KLHL8: variants seen among roughly 807,000 people sequenced by gnomAD.
KLHL8 encodes the protein kelch like family member 8, also known as kelch-like protein 8.
A neutral mutation model predicts 63.5 loss-of-function variants in KLHL8; 38 were observed. That is an observed-to-expected ratio of 0.60 (90% CI 0.46 to 0.78). The LOEUF is 0.78. Ranked by LOEUF, KLHL8 falls within the 30% of genes least tolerant of loss-of-function variation. KLHL8 has a pLI of 0.00. For missense variants in KLHL8, 566 were observed against 752.4 expected (o/e 0.75, Z 2.90); for synonymous variants, 224 against 254.3 (o/e 0.88, Z 1.13).
At chr4:87,171,436 A>G (rs1296991728) in intron 6 of KLHL8, among the ~76,000 whole-genome samples, 3 of 152,176 alleles carry the variant, frequency 2.0e-5, no homozygotes, top group African/African-American at 4.8e-5. Flanking sequence ...CTAACTCTAA[A>G]TTTACCAGAG....
chr4:87,226,084 C>T (rs1371725700), intron 1 of KLHL8, among the ~76,000 whole-genome samples: 1 of 152,108 alleles, frequency 6.6e-6, no homozygotes, highest in African/African-American at 2.4e-5. Flanking sequence ...CAGAAAAAAA[C>T]ACATTTAGAG....
chr4:87,204,767 A>G (rs543628581), intron 1 of KLHL8, among the ~76,000 whole-genome samples: 19 of 152,378 alleles, frequency 1.2e-4, no homozygotes, highest in Admixed American at 1.2e-3. Flanking sequence ...GGATAAAATC[A>G]TAGTGATGAA....
At chr4:87,231,962 C>G (rs139118345) in intron 1 of KLHL8, among the ~76,000 whole-genome samples, 1 of 152,162 alleles carries the variant, frequency 6.6e-6, no homozygotes, top group South Asian at 2.1e-4. Flanking sequence ...TTTCTATAAC[C>G]ATGAATCTAA....
chr4:87,178,675 T>C, intron 4 of KLHL8, 55 bp from the exon 5 acceptor site: 1 of 1,462,804 alleles, frequency 6.8e-7, no homozygotes, highest in African/African-American at 1.5e-5. Context: ...TTGAAAAAAA[T>C]TAGAAAGCCA....
At chr4:87,165,515 TC>T (rs1320262622) in intron 8 of KLHL8, among the ~76,000 whole-genome samples, 1 of 151,592 alleles carries the variant, frequency 6.6e-6, no homozygotes, top group Non-Finnish European at 1.5e-5. Flanking sequence ...CACCTCAGCC[TC>T]CTAAGTAGCT....
At chr4:87,169,183 T>C (rs1267381485) in intron 8 of KLHL8, among the ~76,000 whole-genome samples, 1 of 152,122 alleles carries the variant, frequency 6.6e-6, no homozygotes, top group Non-Finnish European at 1.5e-5. Flanking sequence ...CACACACCTG[T>C]AATCCCAGTT....
intron 4 of KLHL8, among the ~76,000 whole-genome samples, chr4:87,180,024 C>T (rs1343567065): frequency 2.0e-5 from 3 of 152,160 alleles, no homozygotes; most frequent in Admixed American, 6.5e-5. Context: ...TTCCTTCATA[C>T]TTTGAGCAGC....
At chr4:87,189,131 T>C (rs1731373718) in intron 2 of KLHL8, among the ~76,000 whole-genome samples, 1 of 152,156 alleles carries the variant, frequency 6.6e-6, no homozygotes, top group African/African-American at 2.4e-5. Context: ...GGAAGTGAGG[T>C]ACAGAAACAG....
chr4:87,190,321 G>A (rs1731432045), intron 2 of KLHL8, among the ~76,000 whole-genome samples: 2 of 151,996 alleles, frequency 1.3e-5, no homozygotes, highest in Admixed American at 6.6e-5. Flanking sequence ...AACTTTGTAG[G>A]TAATAATAAT....
chr4:87,207,256 T>C, intron 1 of KLHL8: 1 of 572,594 alleles, frequency 1.7e-6, no homozygotes. Context: ...GCAAATTCCA[T>C]GCACCGTAAA....
At chr4:87,236,952 C>T (rs977398686) in intron 1 of KLHL8, among the ~76,000 whole-genome samples, 1 of 152,178 alleles carries the variant, frequency 6.6e-6, no homozygotes, top group Non-Finnish European at 1.5e-5. Flanking sequence ...GCGCGAGCCA[C>T]GGCACCTAGT....
At chr4:87,239,766 T>C (rs758965596) in intron 1 of KLHL8, among the ~76,000 whole-genome samples, 1 of 152,184 alleles carries the variant, frequency 6.6e-6, no homozygotes, top group Non-Finnish European at 1.5e-5. Context: ...TTGAGAAACA[T>C]GGTTTGTAAA....
chr4:87,165,367 C>T (rs2149825234), intron 8 of KLHL8, among the ~76,000 whole-genome samples: 1 of 151,918 alleles, frequency 6.6e-6, no homozygotes, highest in South Asian at 2.1e-4. Context: ...ATTGCTCATG[C>T]TAATGTAGAT....
Position 87,170,222 on chromosome 4 carries a change from A to G in KLHL8, c.1394T>C (p.Val465Ala), listed in dbSNP as rs1730583597. The G allele has an allele frequency of 6.2e-7, 1 of 1,612,956 alleles. No homozygotes were observed. Among genetic ancestry groups the G allele is most frequent in the Non-Finnish European group, 8.5e-7 (1 of 1,179,572 alleles). The change falls in exon 8 of 10, where the codon GTA becomes GCA. Residue 465 changes from valine (V) to alanine (A), a missense_variant. Physicochemically the swap from Val to Ala is moderately conservative, Grantham distance 64. Transcript: ENST00000273963. ...SVALVNHVYA[V>A]GGNDGMASLS... Reference sequence around the variant, plus strand: ...AGAAGCCATTCCATCATTGCCACCTACTGCATAAACATGGTTCTAAATGAA... The same window carrying G: ...AGAAGCCATTCCATCATTGCCACCTGCTGCATAAACATGGTTCTAAATGAA...
At chr4:87,208,057 G>A (rs557676335) in intron 1 of KLHL8, 53 of 609,250 alleles carry the variant, frequency 8.7e-5, no homozygotes, top group African/African-American at 8.3e-4. Context: ...CAACAAGGTC[G>A]TGGACCTCAT....
chr4:87,223,694 C>T (rs1003737302), upstream of KLHL8, among the ~76,000 whole-genome samples: 6 of 150,870 alleles, frequency 4.0e-5, no homozygotes, highest in Admixed American at 2.0e-4. Flanking sequence ...AATTTTTAAA[C>T]CAAATAGCTA....
chr4:87,164,441 A>G (rs1328823626), intron 8 of KLHL8, among the ~76,000 whole-genome samples: 2 of 152,194 alleles, frequency 1.3e-5, no homozygotes, highest in Non-Finnish European at 2.9e-5. Context: ...CAGTACTGAG[A>G]TTCCTTCTCT....
chr4:87,237,826 C>G (rs1158890984), intron 1 of KLHL8, among the ~76,000 whole-genome samples: 2 of 152,028 alleles, frequency 1.3e-5, no homozygotes, highest in Non-Finnish European at 2.9e-5. Flanking sequence ...GACCCTGTCC[C>G]TAATAATAAT....
chr4:87,181,474 G>A (rs1193855511), intron 4 of KLHL8, among the ~76,000 whole-genome samples: 1 of 151,714 alleles, frequency 6.6e-6, no homozygotes, highest in African/African-American at 2.4e-5. Flanking sequence ...AATTACAGAT[G>A]TTCAATGGCA....
Sources: allele counts gnomAD v4.1 joint callset (sites outside exome capture counted in the v4.1 genomes callset), GRCh38; gene constraint gnomAD v4.1.1; transcripts MANE v1.5; gene names NCBI Gene and HGNC (gene_info 2026-07-23, HGNC 2026-07-21).